The following LIPA variants were observed in gnomAD, a reference collection of about 807,000 sequenced individuals.
LIPA encodes lipase A, lysosomal acid type.
LIPA carries 26 observed loss-of-function variants against 40.6 expected under a neutral mutation model. That is an observed-to-expected ratio of 0.64 (90% CI 0.47 to 0.89). LIPA has a LOEUF of 0.89. LIPA is among the 40% of genes least tolerant of loss of function. The probability of loss-of-function intolerance (pLI) is 0.00; values close to 1 mark genes in which losing one functional copy is unlikely to be tolerated. For missense variants in LIPA, 455 were observed against 479.6 expected (o/e 0.95, Z 0.48); for synonymous variants, 188 against 168.4 (o/e 1.12, Z -0.90).
At chr10:89,326,680 T>C (rs1589601742) in intron 1 of LIPA, among the ~76,000 whole-genome samples, 1 of 152,206 alleles carries the variant, frequency 6.6e-6, no homozygotes, top group South Asian at 2.1e-4. Context: ...AAATATCTCA[T>C]GTACCCCATA....
intron 1 of LIPA, among the ~76,000 whole-genome samples, chr10:89,272,434 C>T (rs1843270123): frequency 6.6e-6 from 1 of 152,170 alleles, no homozygotes; most frequent in African/African-American, 2.4e-5. Context: ...GATCACATTC[C>T]TTTTTATTGC....
intron 8 of LIPA, among the ~76,000 whole-genome samples, chr10:89,220,907 C>T (rs1842689755): frequency 6.6e-6 from 1 of 152,188 alleles, no homozygotes; most frequent in Non-Finnish European, 1.5e-5. Flanking sequence ...GAACTACTGA[C>T]ATACACAACA....
chr10:89,349,731 G>T (rs1361381338), intron 2 of LIPA, among the ~76,000 whole-genome samples: 1 of 152,200 alleles, frequency 6.6e-6, no homozygotes, highest in Middle Eastern at 3.2e-3. Context: ...CCAACTTACA[G>T]CTTTCAACAG....
intron 1 of LIPA, among the ~76,000 whole-genome samples, chr10:89,257,662 C>T (rs1429310293): frequency 1.3e-5 from 2 of 152,142 alleles, no homozygotes; most frequent in African/African-American, 4.8e-5. Context: ...ACAGATTTTC[C>T]AGGCTGTAGT....
chr10:89,301,975 A>C (rs929453935), intron 1 of LIPA: 4 of 638,472 alleles, frequency 6.3e-6, no homozygotes, highest in East Asian at 5.9e-5. Context: ...TTGTAACGTC[A>C]GCTGAAGGGA....
intron 1 of LIPA, among the ~76,000 whole-genome samples, chr10:89,260,250 T>C (rs1843200544): frequency 6.6e-6 from 1 of 152,214 alleles, no homozygotes; most frequent in Non-Finnish European, 1.5e-5. Context: ...AGTAGCCTAA[T>C]GCCAAAGATC....
intron 1 of LIPA, among the ~76,000 whole-genome samples, chr10:89,323,296 T>C (rs891745442): frequency 1.8e-4 from 27 of 152,116 alleles, no homozygotes; most frequent in Non-Finnish European, 2.9e-5. Flanking sequence ...TACCTCCAGA[T>C]AATAAGAGCC....
intron 1 of LIPA, among the ~76,000 whole-genome samples, chr10:89,303,241 G>A (rs2133518912): frequency 6.6e-6 from 1 of 152,270 alleles, no homozygotes; most frequent in East Asian, 1.9e-4. Context: ...AATTGAGCAT[G>A]CATAAAAATT....
intron 2 of LIPA, among the ~76,000 whole-genome samples, chr10:89,364,189 G>A (rs1288623774): frequency 6.6e-6 from 1 of 152,172 alleles, no homozygotes. Flanking sequence ...CCACGTGGTT[G>A]TGGCAGCAAT....
upstream of LIPA, among the ~76,000 whole-genome samples, chr10:89,254,937 T>G (rs1843173420): frequency 6.6e-6 from 1 of 152,204 alleles, no homozygotes; most frequent in Non-Finnish European, 1.5e-5. Context: ...CATCTCCATC[T>G]GAGACCACCT....
At chr10:89,267,158 G>T (rs577581041) in intron 1 of LIPA, among the ~76,000 whole-genome samples, 1 of 152,298 alleles carries the variant, frequency 6.6e-6, no homozygotes, top group South Asian at 2.1e-4. Context: ...ATCACAACTT[G>T]TATGTCAGGA....
At chr10:89,247,827 TTTTATTTATTTATTTTTATTTTATTTA>T (rs1222952400) in intron 1 of LIPA, 178 bp from the exon 2 acceptor site, 3 of 313,098 alleles carry the variant, frequency 9.6e-6, no homozygotes, top group Non-Finnish European at 1.7e-5. Flanking sequence ...AATTTTTAAA[TTTTATTTATTTATTTTTATTTTATTTA>T]TTTATTTATT....
chr10:89,320,466 C>A (rs1843565150), intron 1 of LIPA, among the ~76,000 whole-genome samples: 1 of 152,114 alleles, frequency 6.6e-6, no homozygotes, highest in Admixed American at 6.5e-5. Context: ...CTCCCATTCA[C>A]AATTGCTTCA....
chr10:89,290,764 A>C (rs978013029), intron 1 of LIPA, among the ~76,000 whole-genome samples: 62 of 152,158 alleles, frequency 4.1e-4, no homozygotes, highest in African/African-American at 1.4e-3. Context: ...CCCAAATCTT[A>C]TAAAACGGCC....
chr10:89,366,509 T>G (rs1457453705), intron 2 of LIPA, among the ~76,000 whole-genome samples: 1 of 152,054 alleles, frequency 6.6e-6, no homozygotes, highest in Non-Finnish European at 1.5e-5. Context: ...TTTCACAAAT[T>G]TACAAGAAAA....
chr10:89,313,362 A>G (rs1843525460), intron 1 of LIPA, among the ~76,000 whole-genome samples: 1 of 152,194 alleles, frequency 6.6e-6, no homozygotes, highest in Non-Finnish European at 1.5e-5. Flanking sequence ...TTTCCTTCCT[A>G]CAGCCTTCTC....
upstream of LIPA, among the ~76,000 whole-genome samples, chr10:89,255,522 A>T (rs908917248): frequency 1.3e-5 from 2 of 152,246 alleles, no homozygotes; most frequent in South Asian, 4.1e-4. Context: ...CCATATCAGA[A>T]GGCTACCACA....
At chr10:89,219,069 T>C (rs888908750) in intron 8 of LIPA, among the ~76,000 whole-genome samples, 27 of 152,192 alleles carry the variant, frequency 1.8e-4, no homozygotes, top group African/African-American at 6.3e-4. Context: ...ATGTATTTTC[T>C]AAAATTTCAT....
At chr10:89,285,075 C>T (rs958011255) in intron 1 of LIPA, 1 of 152,904 alleles carries the variant, frequency 6.5e-6, no homozygotes, top group Non-Finnish European at 1.5e-5. Context: ...TTATTGCTCA[C>T]ACAAAGCCTG....
Sources: gnomAD v4.1 joint callset for allele counts (sites outside exome capture counted in the v4.1 genomes callset) on GRCh38, gnomAD v4.1.1 for gene constraint, MANE v1.5 for transcripts, NCBI Gene and HGNC (gene_info 2026-07-23, HGNC 2026-07-21) for gene names.